The following ZC3H15 variants were observed in gnomAD, a reference collection of about 807,000 sequenced individuals.
ZC3H15 encodes zinc finger CCCH-type containing 15.
ZC3H15 carries 15 observed loss-of-function variants against 51.2 expected under a neutral mutation model. That is an observed-to-expected ratio of 0.29 (90% CI 0.20 to 0.45). ZC3H15 has a LOEUF of 0.45. Ranked by LOEUF, ZC3H15 falls within the 20% of genes least tolerant of loss-of-function variation. The probability of loss-of-function intolerance (pLI) is 1.00; values close to 1 mark genes in which losing one functional copy is unlikely to be tolerated. For missense variants in ZC3H15, 381 were observed against 494.7 expected (o/e 0.77, Z 2.18); for synonymous variants, 144 against 162.8 (o/e 0.88, Z 0.88).
intron 2 of ZC3H15, among the ~76,000 whole-genome samples, chr2:186,496,308 C>T (rs1194840627): frequency 6.6e-6 from 1 of 152,210 alleles, no homozygotes; most frequent in Non-Finnish European, 1.5e-5. Context: ...GCCTCTGCCT[C>T]CTGGGTTCAA....
chr2:186,499,906 A>G (rs944034670), intron 2 of ZC3H15, among the ~76,000 whole-genome samples: 1 of 152,212 alleles, frequency 6.6e-6, no homozygotes, highest in Non-Finnish European at 1.5e-5. Flanking sequence ...ATTGCAGGTG[A>G]AAACTATTTG....
intron 1 of ZC3H15, chr2:186,486,907 T>C: frequency 6.2e-6 from 1 of 161,280 alleles, no homozygotes. Context: ...TACTGTTAGT[T>C]CTTTTGAACC....
At chr2:186,502,781 G>T in intron 5 of ZC3H15, among the ~76,000 whole-genome samples, 194 bp downstream of exon 5, 1 of 152,052 alleles carries the variant, frequency 6.6e-6, no homozygotes, top group African/African-American at 2.4e-5. Context: ...TTCAGAAATA[G>T]CTGAACAAGA....
chr2:186,495,044 T>C (rs1685260075), intron 1 of ZC3H15, among the ~76,000 whole-genome samples, 189 bp from the exon 2 acceptor site: 1 of 152,072 alleles, frequency 6.6e-6, no homozygotes, highest in South Asian at 2.1e-4. Flanking sequence ...GTTGAGTACA[T>C]ATTGAATTGT....
chr2:186,500,065 A>G, intron 2 of ZC3H15, 117 bp from the exon 3 acceptor site: 1 of 790,980 alleles, frequency 1.3e-6, no homozygotes, highest in Non-Finnish European at 2.0e-6. Flanking sequence ...TATAACACTG[A>G]TGTTAAAAGG....
chr2:186,505,389 T>C, intron 6 of ZC3H15, 62 bp from the exon 7 acceptor site: 1 of 1,489,228 alleles, frequency 6.7e-7, no homozygotes, highest in East Asian at 2.3e-5. Context: ...AAGAGATAAC[T>C]GCAACTAAGC....
intron 1 of ZC3H15, among the ~76,000 whole-genome samples, chr2:186,489,919 A>C (rs1232080374): frequency 1.3e-5 from 2 of 152,234 alleles, no homozygotes; most frequent in Non-Finnish European, 2.9e-5. Context: ...GAGTTAAATG[A>C]GATAATACAT....
chr2:186,489,717 T>C (rs1444673677), intron 1 of ZC3H15, among the ~76,000 whole-genome samples: 9 of 152,186 alleles, frequency 5.9e-5, no homozygotes, highest in Non-Finnish European at 1.5e-5. Flanking sequence ...AAAATCAACA[T>C]GCAGGTTTTG....
In ZC3H15 at chr2:186,486,415, C is replaced by T. The variant is rs1488583392; in HGVS notation, c.33C>T (p.Gly11=). 3 of 1,562,736 alleles carry T rather than the reference C, an allele frequency of 1.9e-6. No individual in the cohort carries two copies. Among genetic ancestry groups the T allele is most frequent in the Non-Finnish European group, 2.6e-6 (3 of 1,151,880 alleles). MPPKKQAQAG[G]SKKAEQKKKE... is the part of the protein sequence containing the mutation. ...CCAAGAAACAGGCTCAGGCCGGGGG[C>T]AGCAAAAAGGCGGAGCAAAAAAAGA... Residue 11 remains glycine, a synonymous_variant, in exon 1 of 10, where the codon GGC becomes GGT. Coordinates refer to ENST00000337859, the MANE Select transcript of ZC3H15 (RefSeq NM_018471.3).
intron 1 of ZC3H15, among the ~76,000 whole-genome samples, chr2:186,491,791 G>T (rs1685203942): frequency 6.6e-6 from 1 of 151,834 alleles, no homozygotes; most frequent in Admixed American, 6.6e-5. Context: ...ATATATTCAG[G>T]GGTTATGTTT....
rs1391397157 is a variant in ZC3H15 at position 186,504,067 on chromosome 2, C to T, written c.570C>T (p.Asn190=). The change falls in exon 6 of 10, where the codon AAC becomes AAT. Residue 190 remains asparagine (N), a synonymous_variant. Transcript: ENST00000337859. ...CKHFLEAIEN[N]KYGWFWVCPG... ...ATTTCCTGGAAGCTATTGAAAACAA[C>T]AAGTATGGCTGGTTTTGGGTATGCC... is the stretch of plus-strand genomic sequence containing the variant. 2.5e-6 allele frequency: 4 copies of T among 1,601,136 alleles called. No homozygotes were observed. Among genetic ancestry groups the T allele is most frequent in the African/African-American group, 1.3e-5 (1 of 74,168 alleles).
intron 1 of ZC3H15, among the ~76,000 whole-genome samples, chr2:186,491,972 C>A (rs913193214): frequency 3.3e-5 from 5 of 151,746 alleles, no homozygotes; most frequent in Non-Finnish European, 5.9e-5. Flanking sequence ...CTTCTGGGAT[C>A]GGGAGTTTAT....
chr2:186,502,363 C>T, intron 4 of ZC3H15, 133 bp from the exon 5 acceptor site: 1 of 670,750 alleles, frequency 1.5e-6, no homozygotes, highest in Non-Finnish European at 2.4e-6. Context: ...CAGTGAGACC[C>T]CGTCTCAACA....
chr2:186,502,350 C>A, intron 4 of ZC3H15, 146 bp from the exon 5 acceptor site: 2 of 596,324 alleles, frequency 3.4e-6, no homozygotes, highest in East Asian at 3.1e-5. Flanking sequence ...CCATCCTGAG[C>A]AACAGTGAGA....
chr2:186,486,699 C>T (rs747773691), intron 1 of ZC3H15, among the ~76,000 whole-genome samples: 7 of 152,146 alleles, frequency 4.6e-5, no homozygotes, highest in Non-Finnish European at 7.4e-5. Flanking sequence ...TTCACCCACC[C>T]ATGCACCCGG....
At chr2:186,491,849 A>G (rs571779890) in intron 1 of ZC3H15, among the ~76,000 whole-genome samples, 6 of 152,176 alleles carry the variant, frequency 3.9e-5, no homozygotes, top group African/African-American at 1.4e-4. Context: ...CTCTGTGGAA[A>G]AATGTTAATT....
At chr2:186,501,464 G>T (rs1186384424) in intron 4 of ZC3H15, 39 bp downstream of exon 4, 1 of 1,552,422 alleles carries the variant, frequency 6.4e-7, no homozygotes, top group Non-Finnish European at 8.8e-7. Context: ...AATAAATGTT[G>T]AATACTTTCG....
At chr2:186,493,155 G>T (rs894424977) in intron 1 of ZC3H15, among the ~76,000 whole-genome samples, 1 of 151,900 alleles carries the variant, frequency 6.6e-6, no homozygotes, top group Admixed American at 6.6e-5. Context: ...GAAGCACTAG[G>T]TAATACAGAA....
At chr2:186,494,668 A>G (rs537657097) in intron 1 of ZC3H15, among the ~76,000 whole-genome samples, 3 of 152,322 alleles carry the variant, frequency 2.0e-5, no homozygotes, top group African/African-American at 7.2e-5. Context: ...TATGCTTTAG[A>G]AAAAGCTTCA....
Sources: allele counts gnomAD v4.1 joint callset (sites outside exome capture counted in the v4.1 genomes callset), GRCh38; gene constraint gnomAD v4.1.1; transcripts MANE v1.5; gene names NCBI Gene and HGNC (gene_info 2026-07-23, HGNC 2026-07-21).